Variants in STYK1 observed in about 807,000 individuals in gnomAD.
STYK1 encodes tyrosine-protein kinase STYK1.
A neutral mutation model predicts 48.1 loss-of-function variants in STYK1; 46 were observed. That is an observed-to-expected ratio of 0.96 (90% CI 0.75 to 1.22). STYK1 has a LOEUF of 1.22. Ranked by LOEUF, STYK1 falls within the 50% of genes most tolerant of loss-of-function variation. The pLI is 0.00. For synonymous variants in STYK1, 188 were observed against 189.0 expected (o/e 0.99, Z 0.04); for missense variants, 527 against 521.1 (o/e 1.01, Z -0.11).
chr12:10,653,936 C>G (rs1032335200), intron 1 of STYK1, among the ~76,000 whole-genome samples: 4 of 152,106 alleles, frequency 2.6e-5, no homozygotes, highest in African/African-American at 9.7e-5. Context: ...GTTAGGCATT[C>G]TTAGTTATAG....
intron 2 of STYK1, among the ~76,000 whole-genome samples, chr12:10,636,266 G>T (rs115112641): frequency 4.6e-5 from 7 of 152,228 alleles, no homozygotes; most frequent in African/African-American, 1.7e-4. Flanking sequence ...ACTTGTATAT[G>T]GGTTTAATAG....
In STYK1 at chr12:10,629,517, G is replaced by C. The variant is rs4763567; in HGVS notation, c.609C>G (p.Leu203=). The C allele has an allele frequency of 1.2e-6, 2 of 1,614,050 alleles. No homozygotes were observed. The highest frequency in any genetic ancestry group is 2.2e-5 in the South Asian group (2 of 91,066). ...VLEDVAQGDL[L]SFLWTCRRDV... ...CCCGCCGACAGGTCCAGAGAAAGCT[G>C]AGCAGGTCCCCCTGGGCCACATCCT... The change falls in exon 6 of 11, where the codon CTC becomes CTG. Residue 203 remains leucine (L), a synonymous_variant. Transcript: ENST00000075503.
intron 1 of STYK1, among the ~76,000 whole-genome samples, chr12:10,656,237 G>T (rs1947716522): frequency 6.6e-6 from 1 of 152,150 alleles, no homozygotes; most frequent in South Asian, 2.1e-4. Flanking sequence ...CAATGATTGT[G>T]AGGCCTCCCC....
In STYK1 at chr12:10,670,995, A is replaced by ATTTTTTT. The variant is rs763044772; in HGVS notation, c.-195+2964_-195+2970dup. Among the ~76,000 whole-genome samples the ATTTTTTT allele has an allele frequency of 5.7e-4, 63 of 110,466 alleles. 2 individuals are homozygous for ATTTTTTT. Among genetic ancestry groups the ATTTTTTT allele is most frequent in the Non-Finnish European group, 8.1e-4 (47 of 58,158 alleles). 72.5% of individuals were successfully genotyped at this position (110,466 alleles called of 152,430 possible). A position where few individuals can be genotyped will look rare whatever the true frequency, so the allele number is the denominator to read the frequency against. On this transcript the variant is annotated intron_variant, in intron 1 of 10. Transcript: ENST00000075503. ...ATCTCCAGAACCTATGAATATATTG[A>ATTTTTTT]TTTTTTTTTTTTTTTTTTTTTTGAC...
chr12:10,645,581 A>G (rs1432532636), intron 1 of STYK1, among the ~76,000 whole-genome samples: 4 of 152,220 alleles, frequency 2.6e-5, no homozygotes, highest in Non-Finnish European at 5.9e-5. Context: ...TTAATAGAAC[A>G]CATAAGTATC....
At chr12:10,645,720 A>T (rs1163024908) in intron 1 of STYK1, among the ~76,000 whole-genome samples, 1 of 152,180 alleles carries the variant, frequency 6.6e-6, no homozygotes, top group Non-Finnish European at 1.5e-5. Flanking sequence ...AAAAAATATC[A>T]ATCCTGATGT....
rs967182345 is a variant in STYK1, at chr12:10,629,670, T to C, written c.456A>G (p.Pro152=). ...KSVILKALKE[P]AGLHEVQDFL... ...AATCTTGTACCTCATGGAGCCCAGCTGGTTCTGTAGAGGACGAAAGATCCA... is the reference window on the plus strand; with the variant it reads ...AATCTTGTACCTCATGGAGCCCAGCCGGTTCTGTAGAGGACGAAAGATCCA... The change falls in exon 6 of 11, where the codon CCA becomes CCG. Residue 152 remains proline, a synonymous_variant. Coordinates refer to ENST00000075503, the MANE Select transcript of STYK1 (RefSeq NM_018423.3). The C allele has an allele frequency of 2.5e-6, 4 of 1,614,054 alleles. No individual in the cohort carries two copies. In the African/African-American group the frequency reaches 5.3e-5, roughly 22 times the overall value.
chr12:10,668,539 C>CT (rs55897413), intron 1 of STYK1, among the ~76,000 whole-genome samples: 4,453 of 46,372 alleles, frequency 0.096, 1,302 homozygotes, highest in Non-Finnish European at 0.14. Flanking sequence ...CCACACCTGG[C>CT]TTTTTTTTTT....
intron 3 of STYK1, 103 bp from the exon 4 acceptor site, chr12:10,634,227 A>G: frequency 7.4e-7 from 1 of 1,352,546 alleles, no homozygotes; most frequent in Non-Finnish European, 1.0e-6. Context: ...ATACATGAAA[A>G]GGTCATCTCT....
chr12:10,670,550 A>G (rs1947880505), intron 1 of STYK1, among the ~76,000 whole-genome samples: 1 of 152,048 alleles, frequency 6.6e-6, no homozygotes, highest in Admixed American at 6.6e-5. Context: ...GAGAATAGAA[A>G]GATGGTTACC....
At chr12:10,669,373 AAAAGATTT>A (rs369418611) in intron 1 of STYK1, among the ~76,000 whole-genome samples, 28 of 152,302 alleles carry the variant, frequency 1.8e-4, no homozygotes, top group African/African-American at 6.5e-4. Flanking sequence ...TTCTTCAGAA[AAAAGATTT>A]AAAGTTCTTT....
intron 1 of STYK1, among the ~76,000 whole-genome samples, chr12:10,641,003 C>T (rs755335902): frequency 4.6e-5 from 7 of 152,208 alleles, no homozygotes; most frequent in Middle Eastern, 3.4e-3. Context: ...TGTATGTACC[C>T]AATTCCATAA....
chr12:10,621,641 T>C (rs569353837), intron 10 of STYK1, among the ~76,000 whole-genome samples: 1 of 152,048 alleles, frequency 6.6e-6, no homozygotes, highest in Admixed American at 6.6e-5. Flanking sequence ...GGTGGGGGTA[T>C]GTGTGTGTAT....
At chr12:10,653,173 C>T (rs955470967) in intron 1 of STYK1, among the ~76,000 whole-genome samples, 6 of 151,812 alleles carry the variant, frequency 4.0e-5, no homozygotes, top group Admixed American at 3.3e-4. Flanking sequence ...CCTGGGTTCA[C>T]GCAATTCTCC....
chr12:10,636,052 T>C, intron 2 of STYK1, among the ~76,000 whole-genome samples: 1 of 152,356 alleles, frequency 6.6e-6, no homozygotes, highest in East Asian at 1.9e-4. Flanking sequence ...ATAGCTTATA[T>C]AATATGCTAC....
intron 1 of STYK1, among the ~76,000 whole-genome samples, chr12:10,642,004 C>A (rs1024886109): frequency 6.6e-6 from 1 of 152,172 alleles, no homozygotes; most frequent in South Asian, 2.1e-4. Flanking sequence ...CCATTCCTTG[C>A]CTTCCTAGTT....
chr12:10,630,975 T>C, intron 5 of STYK1, 70 bp downstream of exon 5: 1 of 1,566,448 alleles, frequency 6.4e-7, no homozygotes, highest in Non-Finnish European at 8.7e-7. Context: ...TTAGTTAACA[T>C]CTCAATGTTC....
At chr12:10,670,995 A>ACTTT (rs1947885347) in intron 1 of STYK1, among the ~76,000 whole-genome samples, 1 of 110,508 alleles carries the variant, frequency 9.0e-6, no homozygotes. Context: ...GAATATATTG[A>ACTTT]TTTTTTTTTT....
intron 1 of STYK1, among the ~76,000 whole-genome samples, chr12:10,651,422 T>A (rs193174551): frequency 4.0e-4 from 61 of 152,308 alleles, no homozygotes; most frequent in Non-Finnish European, 7.5e-4. Flanking sequence ...AATTACTTAA[T>A]CTCTCCTAAT....
Sources: gnomAD v4.1 joint callset for allele counts (sites outside exome capture counted in the v4.1 genomes callset) on GRCh38, gnomAD v4.1.1 for gene constraint, MANE v1.5 for transcripts, NCBI Gene and HGNC (gene_info 2026-07-23, HGNC 2026-07-21) for gene names.